Variants in GRK6 observed in about 807,000 individuals in gnomAD.
GRK6 encodes the protein G protein-coupled receptor kinase 6.
Under a neutral mutation model 80.8 loss-of-function variants are expected in GRK6, and 37 were observed. That is an observed-to-expected ratio of 0.46 (90% CI 0.35 to 0.60). The LOEUF is 0.60. Among genes scored for constraint, GRK6 ranks in the 20% least tolerant of loss-of-function variants. GRK6 has a pLI of 0.00. For synonymous variants in GRK6, 295 were observed against 320.9 expected, an observed-to-expected ratio of 0.92 and a Z score of 0.86; for missense variants, 560 against 784.6, an observed-to-expected ratio of 0.71 and a Z score of 3.42.
In GRK6 at chr5:177,433,557, G is replaced by T; in HGVS notation, c.619G>T (p.Ala207Ser). 1 of 1,614,130 alleles carries T rather than the reference G, an allele frequency of 6.2e-7. No homozygotes were observed. ...FGEVCACQVR[A>S]TGKMYACKKL... is the part of the protein sequence containing the mutation. ...ACAGGTGTGCGCCTGCCAGGTGCGG[G>T]CCACAGGTAAGATGTATGCCTGCAA... Residue 207 changes from alanine to serine, a missense_variant, in exon 8 of 16, where the codon GCC becomes TCC. Coordinates refer to ENST00000355472, the MANE Select transcript of GRK6 (RefSeq NM_001004106.3).
At chr5:177,431,779 G>C (rs933762956) in intron 2 of GRK6, 16 of 590,000 alleles carry the variant, frequency 2.7e-5, no homozygotes, top group Admixed American at 6.0e-5. Context: ...TCCCGGCTGT[G>C]TGACACTGAG....
intron 13 of GRK6, 51 bp from the exon 14 acceptor site, chr5:177,440,649 C>G: frequency 6.2e-7 from 1 of 1,600,848 alleles, no homozygotes; most frequent in African/African-American, 1.3e-5. Context: ...GAGCTGCCTT[C>G]GCGTGTGCGT....
In GRK6 at chr5:177,441,958, T is replaced by C. The variant is rs955963647; in HGVS notation, c.*168T>C. The C allele has an allele frequency of 6.2e-6, 4 of 649,838 alleles. No homozygotes were observed. Among genetic ancestry groups the C allele is most frequent in the Non-Finnish European group, 1.1e-5 (4 of 366,944 alleles). The allele number at this position is 649,838 out of a possible 1,614,324, so 40.3% of individuals were successfully genotyped here. ...TCCCTCAGCCCCTGGCCTGGCTGAGTTTGGCAGGGCCTGGGCCATCCCTGG... is the reference window on the plus strand; with the variant it reads ...TCCCTCAGCCCCTGGCCTGGCTGAGCTTGGCAGGGCCTGGGCCATCCCTGG... On this transcript the variant is annotated 3_prime_UTR_variant, in exon 16 of 16. Transcript: ENST00000355472.
Position 177,430,915 on chromosome 5 carries a change from G to T in GRK6, c.96G>T (p.Gln32His). The T allele has an allele frequency of 6.2e-7, 1 of 1,614,106 alleles. No homozygotes were observed. Among genetic ancestry groups the T allele is most frequent in the Non-Finnish European group, 8.5e-7 (1 of 1,180,012 alleles). Residue 32 changes from glutamine to histidine, a missense_variant, in exon 2 of 16, where the codon CAG becomes CAT. This residue lies in a region of GRK6 where 189 missense variants were observed against 230.2 expected (regional missense o/e 0.82). Transcript: ENST00000355472. ...NRKGKSKKWR[Q>H]MLQFPHISQC... is the part of the protein sequence containing the mutation. ...AAGGCAAAAGCAAGAAATGGCGGCA[G>T]ATGCTCCAGTTCCCTCACATCAGCC...
rs775671146 is a variant in GRK6, at chr5:177,436,320, G to A, written c.1266+39G>A. On this transcript the variant is annotated intron_variant, in intron 12 of 15. Coordinates refer to ENST00000355472, the MANE Select transcript of GRK6 (RefSeq NM_001004106.3). ...CAGAAGCCTGGCCAGCCAGGGCTGGGGTGGATGCACCTTTCCCTCCCTCCC... is the reference window on the plus strand; with the variant it reads ...CAGAAGCCTGGCCAGCCAGGGCTGGAGTGGATGCACCTTTCCCTCCCTCCC... 3.7e-6 allele frequency: 6 copies of A among 1,612,672 alleles called. No individual in the cohort carries two copies. In the East Asian group the frequency reaches 6.7e-5, roughly 18 times the overall value.
chr5:177,433,437 G>C, intron 7 of GRK6, 27 bp downstream of exon 7: 2 of 1,612,296 alleles, frequency 1.2e-6, no homozygotes, highest in East Asian at 2.2e-5. Flanking sequence ...GAGCCCCTGG[G>C]AGAGTGAATA....
chr5:177,427,073 C>G (rs970488569), intron 1 of GRK6, among the ~76,000 whole-genome samples, 176 bp downstream of exon 1: 2 of 152,030 alleles, frequency 1.3e-5, no homozygotes, highest in African/African-American at 2.4e-5. Context: ...CACCTGCCCC[C>G]GGGATTCGGG....
intron 13 of GRK6, among the ~76,000 whole-genome samples, chr5:177,439,688 C>T (rs1362376135): frequency 1.3e-5 from 2 of 152,074 alleles, no homozygotes; most frequent in African/African-American, 2.4e-5. Flanking sequence ...ATGCTTCCCT[C>T]CCGCTGCTCC....
rs576317155 is a variant in GRK6 at position 177,430,967 on chromosome 5, G to T, written c.148G>T (p.Glu50Ter). 1 of 1,612,458 alleles carries T rather than the reference G, an allele frequency of 6.2e-7. No homozygotes were observed. Among genetic ancestry groups the T allele is most frequent in the African/African-American group, 1.3e-5 (1 of 75,032 alleles). Residue 50 changes from glutamate to a stop codon, truncating the protein, a stop_gained and splice_region_variant, in exon 2 of 16, where the codon GAG (glutamate) becomes TAG (stop). Coordinates refer to ENST00000355472, the MANE Select transcript of GRK6 (RefSeq NM_001004106.3). LOFTEE classifies it high-confidence loss of function. ...SQCEELRLSLERDYHSLCERQ... is the reference protein window; with the variant it reads ...SQCEELRLSL The stretch of plus-strand genomic sequence containing the variant: ...GTGCGAAGAGCTGCGGCTCAGCCTC[G>T]GTGAGGCCTGGGCAGAGACTGGGGG...
intron 3 of GRK6, 63 bp downstream of exon 3, chr5:177,432,170 T>C: frequency 6.2e-7 from 1 of 1,609,670 alleles, no homozygotes; most frequent in South Asian, 1.1e-5. Flanking sequence ...CATGTGCCCC[T>C]CCTCCCCACA....
In GRK6 at chr5:177,432,257, G is replaced by A; in HGVS notation, c.286G>A (p.Asp96Asn). ...GVAEYEVTPDDKRKACGRQLT... is the reference protein window; with the variant it reads ...GVAEYEVTPDNKRKACGRQLT... The stretch of plus-strand genomic sequence containing the variant: ...GGCCGAGTATGAAGTGACCCCGGAT[G>A]ACAAGCGGAAGGCATGTGGGCGGCA... Residue 96 changes from aspartate (D) to asparagine (N), a missense_variant, in exon 4 of 16, where the codon GAC (aspartate) becomes AAC (asparagine). Physicochemically the swap from Asp to Asn is conservative, Grantham distance 23. This residue lies in a region of GRK6 where 189 missense variants were observed against 230.2 expected (regional missense o/e 0.82). Transcript: ENST00000355472. The A allele has an allele frequency of 6.2e-7, 1 of 1,613,630 alleles. No individual in the cohort carries two copies. Among genetic ancestry groups the A allele is most frequent in the Non-Finnish European group, 8.5e-7 (1 of 1,180,004 alleles).
chr5:177,434,091 C>A lies in GRK6; in HGVS notation c.916C>A (p.Arg306Ser). The A allele has an allele frequency of 6.3e-7, 1 of 1,588,076 alleles. No homozygotes were observed. Among genetic ancestry groups the A allele is most frequent in the Non-Finnish European group, 8.6e-7 (1 of 1,168,264 alleles). ...CCGLEDLHRE[R>S]IVYRDLKPEN... ...TGGCCTGGAGGACCTGCACCGGGAG[C>A]GCATCGTGTACAGGTGGGGAGGGCT... The change falls in exon 9 of 16, where the codon CGC (arginine) becomes AGC (serine). Residue 306 changes from arginine (R) to serine (S), a missense_variant. Arg to Ser is a moderately radical substitution (Grantham distance 110). This residue lies in a region of GRK6 where 294 missense variants were observed against 397.4 expected (regional missense o/e 0.74). Coordinates refer to ENST00000355472, the MANE Select transcript of GRK6 (RefSeq NM_001004106.3).
In GRK6 at chr5:177,434,573, T is replaced by C. The variant is rs190464097; in HGVS notation, c.930-329T>C. Among the ~76,000 whole-genome samples the C allele has an allele frequency of 1.3e-3, 194 of 152,198 alleles. 2 individuals are homozygous for C. Among genetic ancestry groups the C allele is most frequent in the African/African-American group, 4.6e-3 (191 of 41,518 alleles). On this transcript the variant is annotated intron_variant, in intron 9 of 15. Transcript: ENST00000355472. ...CACAACAGCCTAGTCAGGGGACGGA[T>C]GAGTAGTCCCATTTGATAGAGAGGA... is the stretch of plus-strand genomic sequence containing the variant.
chr5:177,434,460 C>T (rs1362005120), intron 9 of GRK6, among the ~76,000 whole-genome samples: 1 of 152,212 alleles, frequency 6.6e-6, no homozygotes, highest in East Asian at 1.9e-4. Context: ...ACTGGAGGGG[C>T]CCAGTGAGCT....
intron 1 of GRK6, among the ~76,000 whole-genome samples, chr5:177,430,080 C>T (rs1049064389): frequency 1.3e-5 from 2 of 151,906 alleles, no homozygotes; most frequent in African/African-American, 2.4e-5. Flanking sequence ...TCTGCAATTC[C>T]GGCTGCTTTT....
chr5:177,433,539 T>C lies in GRK6; in HGVS notation c.601T>C (p.Cys201Arg), dbSNP rs1183115320. 1.2e-6 allele frequency: 2 copies of C among 1,613,906 alleles called. No homozygotes were observed. Among genetic ancestry groups the C allele is most frequent in the Admixed American group, 1.7e-5 (1 of 60,016 alleles). The change falls in exon 8 of 16, where the codon TGC (cysteine) becomes CGC (arginine). Residue 201 changes from cysteine to arginine, a missense_variant. Coordinates refer to ENST00000355472, the MANE Select transcript of GRK6 (RefSeq NM_001004106.3). ...GCCCCTGTCTGTCTGGCCACAGGTGTGCGCCTGCCAGGTGCGGGCCACAGG... is the reference window on the plus strand; with the variant it reads ...GCCCCTGTCTGTCTGGCCACAGGTGCGCGCCTGCCAGGTGCGGGCCACAGG... ...VLGKGGFGEV[C>R]ACQVRATGKM...
At position 177,432,750 on chromosome 5, in the gene GRK6, C is replaced by T. The variant is rs1364089067; in HGVS notation, c.384C>T (p.Asn128=). The stretch of plus-strand genomic sequence containing the variant: ...AGGTCCCCCGGCAGCTGGTGACGAA[C>T]TGCACCCAGCGGCTGGAGCAGGGTC... ...IPEVPRQLVT[N]CTQRLEQGPC... is the part of the protein sequence containing the mutation. Residue 128 remains asparagine (N), a synonymous_variant, in exon 5 of 16, where the codon AAC becomes AAT. Coordinates refer to ENST00000355472, the MANE Select transcript of GRK6 (RefSeq NM_001004106.3). The T allele has an allele frequency of 6.2e-7, 1 of 1,612,434 alleles. No individual in the cohort carries two copies. Among genetic ancestry groups the T allele is most frequent in the Admixed American group, 1.7e-5 (1 of 59,906 alleles).
chr5:177,432,342 G>A, intron 4 of GRK6, 32 bp downstream of exon 4: 1 of 1,594,242 alleles, frequency 6.3e-7, no homozygotes, highest in Non-Finnish European at 8.6e-7. Context: ...GATGATGGGA[G>A]CCACCAGAGC....
At chr5:177,437,232 G>A (rs1764202476) in intron 13 of GRK6, among the ~76,000 whole-genome samples, 1 of 152,148 alleles carries the variant, frequency 6.6e-6, no homozygotes, top group Non-Finnish European at 1.5e-5. Flanking sequence ...TGGGATTACA[G>A]GAGTGAGCCA....
Sources: allele counts gnomAD v4.1 joint callset (sites outside exome capture counted in the v4.1 genomes callset), GRCh38; gene constraint gnomAD v4.1.1; regional missense constraint gnomAD v4.1.1; transcripts MANE v1.5; gene names NCBI Gene and HGNC (gene_info 2026-07-23, HGNC 2026-07-21).